The following MCTP2 variants were observed in gnomAD, a reference collection of about 807,000 sequenced individuals.
MCTP2 encodes the protein multiple C2 and transmembrane domain-containing protein 2.
Under a neutral mutation model 111.6 loss-of-function variants are expected in MCTP2, and 132 were observed. The observed-to-expected ratio is 1.18, with a 90% CI of 1.03 to 1.37. The LOEUF (loss-of-function observed/expected upper bound fraction) is 1.37. MCTP2 is among the 40% of genes most tolerant of loss of function. The pLI, the probability that MCTP2 is intolerant of heterozygous loss-of-function variation, is 0.00. For missense variants in MCTP2, 1,183 were observed against 1,067.9 expected (o/e 1.11, Z -1.50); for synonymous variants, 395 against 387.7 (o/e 1.02, Z -0.22).
intron 20 of MCTP2, among the ~76,000 whole-genome samples, chr15:94,464,270 T>TATATATATATATATA: frequency 1.1e-5 from 1 of 89,438 alleles, no homozygotes; most frequent in South Asian, 3.5e-4. Context: ...TATATATATA[T>TATATATATATATATA]ATATATATAA....
chr15:94,392,423 G>A (rs930549820), intron 14 of MCTP2, among the ~76,000 whole-genome samples: 1 of 151,622 alleles, frequency 6.6e-6, no homozygotes, highest in Non-Finnish European at 1.5e-5. Context: ...CCTTTAAGGG[G>A]ATAACTTTTC....
Position 94,340,930 on chromosome 15 carries a change from T to C in MCTP2, c.969+6T>C, listed in dbSNP as rs751529346. 6.5e-7 allele frequency: 1 copy of C among 1,542,458 alleles called. No individual in the cohort carries two copies. The highest frequency in any genetic ancestry group is 2.2e-5 in the East Asian group (1 of 44,466). On this transcript the variant is annotated splice_donor_region_variant and intron_variant, in intron 7 of 22. Transcript: ENST00000357742. ...AGGGTGATTTCAAGAGACACGTAAG[T>C]GGGACCTTCTATTCTTTTGAAACCT... is the stretch of plus-strand genomic sequence containing the variant.
chr15:94,460,919 C>G (rs2085159299), intron 20 of MCTP2, among the ~76,000 whole-genome samples: 1 of 152,170 alleles, frequency 6.6e-6, no homozygotes, highest in Non-Finnish European at 1.5e-5. Context: ...TCCATTGTAA[C>G]TCAGTGCTTA....
chr15:94,243,525 A>C (rs1436292488), intron 1 of MCTP2, among the ~76,000 whole-genome samples: 4 of 141,298 alleles, frequency 2.8e-5, no homozygotes, highest in Admixed American at 2.8e-4. Context: ...GCGTATGTAC[A>C]CACATACGTA....
chr15:94,323,625 T>A (rs1010328126), intron 4 of MCTP2, among the ~76,000 whole-genome samples: 1 of 152,186 alleles, frequency 6.6e-6, no homozygotes, highest in Non-Finnish European at 1.5e-5. Context: ...AGCCCTGTTA[T>A]TATTACTGTT....
At chr15:94,239,976 A>G (rs1298100191) in intron 1 of MCTP2, among the ~76,000 whole-genome samples, 1 of 152,170 alleles carries the variant, frequency 6.6e-6, no homozygotes, top group Non-Finnish European at 1.5e-5. Context: ...GTCAGTTTCA[A>G]GCATTGTCAC....
At chr15:94,329,172 C>T (rs992138203) in intron 4 of MCTP2, among the ~76,000 whole-genome samples, 17 of 152,246 alleles carry the variant, frequency 1.1e-4, no homozygotes, top group African/African-American at 3.1e-4. Flanking sequence ...TTATTAAGTA[C>T]CACAGAATTT....
At chr15:94,375,791 C>G (rs1428974304) in intron 12 of MCTP2, among the ~76,000 whole-genome samples, 2 of 152,080 alleles carry the variant, frequency 1.3e-5, no homozygotes, top group South Asian at 2.1e-4. Context: ...TATAAAGTAT[C>G]CTTATTTGAT....
In MCTP2 at chr15:94,357,574, C is replaced by A. The variant is rs187638198; in HGVS notation, c.1171-908C>A. Reference sequence around the variant, plus strand: ...TTTTTTTTTTGTTTTTGTTTTTTTCCCAACCTGGTTTCTAAATTCTGTGAT... The same window carrying A: ...TTTTTTTTTTGTTTTTGTTTTTTTCACAACCTGGTTTCTAAATTCTGTGAT... On this transcript the variant is annotated intron_variant, in intron 9 of 22. Coordinates refer to ENST00000357742, the MANE Select transcript of MCTP2 (RefSeq NM_001385001.1). Among the ~76,000 whole-genome samples the A allele has an allele frequency of 1.9e-4, 28 of 150,644 alleles. No individual in the cohort carries two copies. The East Asian group carries it at 5.0e-3, about 27-fold the overall frequency.
At chr15:94,401,552 A>C (rs930078191) in intron 16 of MCTP2, among the ~76,000 whole-genome samples, 1 of 151,792 alleles carries the variant, frequency 6.6e-6, no homozygotes. Flanking sequence ...TTCTCTTTCT[A>C]GTTCTCTCTC....
Position 94,243,495 on chromosome 15 carries a change from G to A in MCTP2, c.-66+11831G>A, listed in dbSNP as rs1235977423. ...TGCGTATGTACACACATACGTATGC[G>A]TACATATGTATGCGTATATGCGTAT... is the stretch of plus-strand genomic sequence containing the variant. On this transcript the variant is annotated intron_variant, in intron 1 of 22. Coordinates refer to ENST00000357742, the MANE Select transcript of MCTP2 (RefSeq NM_001385001.1). Among the ~76,000 whole-genome samples, 5 of 138,912 alleles carry A rather than the reference G, an allele frequency of 3.6e-5. 1 individual carries two copies. In the East Asian group the frequency reaches 6.3e-4, roughly 18 times the overall value. The allele number at this position is 138,912 out of a possible 152,430, so 91.1% of individuals were successfully genotyped here.
intron 17 of MCTP2, among the ~76,000 whole-genome samples, chr15:94,404,301 A>AT (rs2081777688): frequency 7.0e-6 from 1 of 143,636 alleles, no homozygotes; most frequent in Admixed American, 6.9e-5. Flanking sequence ...CTTATTTTTT[A>AT]TTGTTTTTTT....
intron 1 of MCTP2, among the ~76,000 whole-genome samples, chr15:94,277,882 TCA>T (rs1388192672): frequency 6.6e-6 from 1 of 152,136 alleles, no homozygotes; most frequent in Non-Finnish European, 1.5e-5. Context: ...AACAAATGTA[TCA>T]CACTAATACA....
At chr15:94,341,460 G>A (rs2077636427) in intron 7 of MCTP2, 1 of 152,164 alleles carries the variant, frequency 6.6e-6, no homozygotes, top group African/African-American at 2.4e-5. Flanking sequence ...CATCTTTGAT[G>A]ATGACTTATT....
At chr15:94,264,265 C>G (rs1279323698) in intron 1 of MCTP2, among the ~76,000 whole-genome samples, 2 of 152,114 alleles carry the variant, frequency 1.3e-5, no homozygotes, top group Admixed American at 1.3e-4. Flanking sequence ...TTTTTGTGCC[C>G]TTGGGCAGGC....
chr15:94,472,890 G>T (rs969133453), intron 21 of MCTP2, among the ~76,000 whole-genome samples: 1 of 152,136 alleles, frequency 6.6e-6, no homozygotes, highest in East Asian at 1.9e-4. Flanking sequence ...TTGTATGATT[G>T]CATCCTTTGC....
chr15:94,331,372 A>T (rs1303901323), intron 4 of MCTP2, among the ~76,000 whole-genome samples: 1 of 152,156 alleles, frequency 6.6e-6, no homozygotes, highest in Non-Finnish European at 1.5e-5. Context: ...AGATCTACAA[A>T]GGGGAAGTGT....
chr15:94,252,911 T>C (rs1430473417), intron 1 of MCTP2, among the ~76,000 whole-genome samples: 1 of 152,202 alleles, frequency 6.6e-6, no homozygotes, highest in African/African-American at 2.4e-5. Context: ...CTTAATTAAA[T>C]GTTGTTTATT....
At chr15:94,328,259 G>A (rs1178950335) in intron 4 of MCTP2, among the ~76,000 whole-genome samples, 1 of 151,458 alleles carries the variant, frequency 6.6e-6, no homozygotes, top group Non-Finnish European at 1.5e-5. Flanking sequence ...CTCATGAGTA[G>A]CTGGGACTAC....
Sources: allele counts gnomAD v4.1 joint callset (sites outside exome capture counted in the v4.1 genomes callset), GRCh38; gene constraint gnomAD v4.1.1; transcripts MANE v1.5; gene names NCBI Gene and HGNC (gene_info 2026-07-23, HGNC 2026-07-21).